The following PPP2R3C variants were observed in gnomAD, a reference collection of about 807,000 sequenced individuals.
PPP2R3C encodes protein phosphatase 2 regulatory subunit B''gamma.
A neutral mutation model predicts 63.7 loss-of-function variants in PPP2R3C; 47 were observed. That is an observed-to-expected ratio of 0.74 (90% CI 0.58 to 0.94). PPP2R3C has a LOEUF of 0.94. PPP2R3C is among the 40% of genes least tolerant of loss of function. PPP2R3C has a pLI of 0.00. For missense variants in PPP2R3C, 421 were observed against 518.4 expected (o/e 0.81, Z 1.82); for synonymous variants, 180 against 177.4 (o/e 1.01, Z -0.12).
chr14:35,091,076 G>A lies in PPP2R3C; in HGVS notation c.1107C>T (p.Phe369=), dbSNP rs542312104. 3.3e-5 allele frequency: 53 copies of A among 1,601,732 alleles called. No individual in the cohort carries two copies. The South Asian group carries it at 5.8e-4, about 17-fold the overall frequency. ...GYLNVFSLNY[F]FRAIQELMKI... ...TTATGCAAATGAGACTTACCCTAAAGAAATAATTAAGTGAAAAGACATTCA... is the reference window on the plus strand; with the variant it reads ...TTATGCAAATGAGACTTACCCTAAAAAAATAATTAAGTGAAAAGACATTCA... Residue 369 remains phenylalanine (F), a synonymous_variant, in exon 11 of 13, where the codon TTC becomes TTT. Coordinates refer to ENST00000261475, the MANE Select transcript of PPP2R3C (RefSeq NM_017917.4).
chr14:35,106,979 T>C (rs1237299889), intron 6 of PPP2R3C, among the ~76,000 whole-genome samples: 1 of 152,212 alleles, frequency 6.6e-6, no homozygotes. Context: ...AATTCTCTCT[T>C]AATGATGACT....
chr14:35,092,970 G>C (rs958695608), intron 10 of PPP2R3C, among the ~76,000 whole-genome samples: 22 of 152,190 alleles, frequency 1.4e-4, no homozygotes, highest in Non-Finnish European at 2.8e-4. Flanking sequence ...ACGCACTTCG[G>C]GGGGCCGAGG....
At chr14:35,098,531 T>G (rs901292163) in intron 7 of PPP2R3C, 1 of 151,700 alleles carries the variant, frequency 6.6e-6, no homozygotes, top group African/African-American at 2.4e-5. Context: ...ATTTTTTTTG[T>G]AGAGAAAAAG....
At chr14:35,112,020 G>C (rs2046577362) in intron 2 of PPP2R3C, among the ~76,000 whole-genome samples, 1 of 152,188 alleles carries the variant, frequency 6.6e-6, no homozygotes, top group Non-Finnish European at 1.5e-5. Flanking sequence ...TAGCAGGCAA[G>C]AAGAACCTGT....
intron 10 of PPP2R3C, 119 bp from the exon 11 acceptor site, chr14:35,091,326 G>A (rs1374020512): frequency 2.1e-6 from 2 of 967,150 alleles, no homozygotes; most frequent in Non-Finnish European, 2.9e-6. Flanking sequence ...TTTTCCCTAA[G>A]TTATGATATG....
rs762250628 is a variant in PPP2R3C at position 35,121,956 on chromosome 14, C to T, written c.4G>A (p.Asp2Asn). ...CGCCGACGAAGAACTTCTTTCCAGT[C>T]CATGGCCGACTTCCGCGCAGCAGCT... is the stretch of plus-strand genomic sequence containing the variant. M[D>N]WKEVLRRRLA... The change falls in exon 1 of 13, where the codon GAC (aspartate) becomes AAC (asparagine). Residue 2 changes from aspartate to asparagine, a missense_variant. Physicochemically the swap from Asp to Asn is conservative, Grantham distance 23 (BLOSUM62 1). Transcript: ENST00000261475. 1.1e-5 allele frequency: 18 copies of T among 1,614,158 alleles called. No homozygotes were observed. Among genetic ancestry groups the T allele is most frequent in the Non-Finnish European group, 1.3e-5 (15 of 1,180,016 alleles).
At chr14:35,116,040 C>T (rs1264252799) in intron 2 of PPP2R3C, among the ~76,000 whole-genome samples, 1 of 152,042 alleles carries the variant, frequency 6.6e-6, no homozygotes, top group Non-Finnish European at 1.5e-5. Flanking sequence ...ATACTTACTA[C>T]TAATATCTAT....
At position 35,085,577 on chromosome 14, in the gene PPP2R3C, A is replaced by G. The variant is rs1261505060; in HGVS notation, c.*13T>C. On this transcript the variant is annotated 3_prime_UTR_variant, in exon 13 of 13. Transcript: ENST00000261475. The stretch of plus-strand genomic sequence containing the variant: ...AGTATCTCATAATATAAGACAGTCT[A>G]GTCTTTCAGAGATCATGTATCATCA... The G allele has an allele frequency of 6.3e-7, 1 of 1,584,218 alleles. No homozygotes were observed. The highest frequency in any genetic ancestry group is 8.6e-7 in the Non-Finnish European group (1 of 1,165,814).
intron 6 of PPP2R3C, chr14:35,106,378 G>C (rs1252112407): frequency 1.3e-5 from 2 of 152,990 alleles, no homozygotes; most frequent in Non-Finnish European, 2.9e-5. Flanking sequence ...GTCTCCCTCT[G>C]TTGCCCAGGC....
intron 6 of PPP2R3C, among the ~76,000 whole-genome samples, chr14:35,106,020 T>A (rs2046344846): frequency 1.3e-5 from 2 of 150,760 alleles, no homozygotes; most frequent in Non-Finnish European, 3.0e-5. Flanking sequence ...TTTTTTTTTG[T>A]ATTTTTAGTA....
At chr14:35,106,730 C>T (rs1316886695) in intron 6 of PPP2R3C, among the ~76,000 whole-genome samples, 4 of 146,522 alleles carry the variant, frequency 2.7e-5, no homozygotes. Flanking sequence ...TGCAATGGCG[C>T]TATCTCGGTT....
At chr14:35,107,427 T>C (rs1437705552) in intron 5 of PPP2R3C, 53 bp from the exon 6 acceptor site, 2 of 1,420,306 alleles carry the variant, frequency 1.4e-6, no homozygotes, top group South Asian at 1.2e-5. Flanking sequence ...CCTTCAGATA[T>C]GAAAAAGGAG....
At chr14:35,110,193 G>T (rs768169935) in intron 3 of PPP2R3C, 4 of 438,288 alleles carry the variant, frequency 9.1e-6, no homozygotes, top group Non-Finnish European at 1.6e-5. Context: ...GATGATAATC[G>T]AAGCACAGAG....
intron 2 of PPP2R3C, among the ~76,000 whole-genome samples, chr14:35,112,491 G>T (rs1259778064): frequency 3.9e-5 from 6 of 152,180 alleles, no homozygotes; most frequent in Admixed American, 6.6e-5. Flanking sequence ...AAAACTTGGG[G>T]TTATGGTTTT....
chr14:35,099,029 G>A, intron 7 of PPP2R3C: 1 of 437,182 alleles, frequency 2.3e-6, no homozygotes, highest in Non-Finnish European at 3.7e-6. Context: ...CTGTCACACA[G>A]CAGGTTATGG....
chr14:35,095,526 A>G (rs1384155191), intron 9 of PPP2R3C, among the ~76,000 whole-genome samples: 1 of 152,096 alleles, frequency 6.6e-6, no homozygotes, highest in Non-Finnish European at 1.5e-5. Flanking sequence ...AAATGCTAGC[A>G]CTTGAAAGTA....
intron 5 of PPP2R3C, 139 bp from the exon 6 acceptor site, chr14:35,107,513 C>CA (rs1420457953): frequency 4.5e-6 from 3 of 662,910 alleles, no homozygotes; most frequent in East Asian, 2.7e-5. Flanking sequence ...TTGCTTGAAA[C>CA]AAAAAACCAT....
At chr14:35,112,678 G>A (rs1199210974) in intron 2 of PPP2R3C, among the ~76,000 whole-genome samples, 1 of 152,120 alleles carries the variant, frequency 6.6e-6, no homozygotes, top group Admixed American at 6.6e-5. Context: ...ATGGGAAGTG[G>A]GGGTCAAACA....
intron 10 of PPP2R3C, among the ~76,000 whole-genome samples, chr14:35,093,443 A>G (rs1237329327): frequency 6.6e-6 from 1 of 152,128 alleles, no homozygotes; most frequent in East Asian, 1.9e-4. Flanking sequence ...CATTATATTA[A>G]TAATATAAGC....
Sources: allele counts gnomAD v4.1 joint callset (sites outside exome capture counted in the v4.1 genomes callset), GRCh38; gene constraint gnomAD v4.1.1; transcripts MANE v1.5; gene names NCBI Gene and HGNC (gene_info 2026-07-23, HGNC 2026-07-21).